Variants in OSBPL10 observed in about 807,000 individuals in gnomAD.
The protein encoded by OSBPL10 is oxysterol-binding protein-related protein 10.
A neutral mutation model predicts 81.7 loss-of-function variants in OSBPL10; 49 were observed. The ratio of observed to expected loss-of-function variants is 0.60; its 90% confidence interval spans 0.48 to 0.76. The LOEUF (loss-of-function observed/expected upper bound fraction) is 0.76, where lower values mean the gene tolerates loss of function less well. OSBPL10 is among the 30% of genes least tolerant of loss of function. The pLI is 0.00. For missense variants in OSBPL10, 923 were observed against 987.8 expected (o/e 0.93, Z 0.88); for synonymous variants, 419 against 383.6 (o/e 1.09, Z -1.08).
chr3:31,934,797 A>G (rs1381627234), intron 1 of OSBPL10, among the ~76,000 whole-genome samples: 2 of 152,218 alleles, frequency 1.3e-5, no homozygotes, highest in African/African-American at 4.8e-5. Flanking sequence ...CACGGTTAAC[A>G]TAAGCACAAT....
chr3:31,706,330 G>T (rs550012256), intron 6 of OSBPL10, among the ~76,000 whole-genome samples: 2 of 152,150 alleles, frequency 1.3e-5, no homozygotes, highest in South Asian at 2.1e-4. Context: ...TGCAAAAATT[G>T]TAAGTCTGGG....
At chr3:31,881,150 T>C (rs937461400) in intron 1 of OSBPL10, among the ~76,000 whole-genome samples, 1 of 152,152 alleles carries the variant, frequency 6.6e-6, no homozygotes, top group Non-Finnish European at 1.5e-5. Context: ...AAGTCTACAT[T>C]TGTGTGATTA....
chr3:32,057,492 G>A (rs1008910680), intron 1 of OSBPL10, among the ~76,000 whole-genome samples: 7 of 152,148 alleles, frequency 4.6e-5, no homozygotes, highest in Non-Finnish European at 7.4e-5. Context: ...TGGTTGGAGA[G>A]GCATCAGAAA....
intron 1 of OSBPL10, among the ~76,000 whole-genome samples, chr3:31,888,818 GGAAGCTGAGGCAGGAGAATCACTC>G (rs1159599017): frequency 4.6e-5 from 7 of 152,094 alleles, no homozygotes; most frequent in Admixed American, 6.6e-5. Flanking sequence ...CAGCTACTTG[GGAAGCTGAGGCAGGAGAATCACTC>G]GAACCTGAGA....
intron 3 of OSBPL10, among the ~76,000 whole-genome samples, chr3:31,837,693 T>A (rs373393085): frequency 1.3e-5 from 2 of 149,758 alleles, no homozygotes; most frequent in Non-Finnish European, 3.0e-5. Context: ...TTGCCAGATA[T>A]ATGATGAATT....
chr3:32,029,346 A>C (rs1258639026), intron 2 of OSBPL10, among the ~76,000 whole-genome samples: 1 of 152,112 alleles, frequency 6.6e-6, no homozygotes, highest in Non-Finnish European at 1.5e-5. Context: ...GTTTTAGGGT[A>C]CATGTGCACA....
chr3:31,893,627 T>A (rs1378878743), intron 1 of OSBPL10, among the ~76,000 whole-genome samples: 1 of 152,202 alleles, frequency 6.6e-6, no homozygotes, highest in African/African-American at 2.4e-5. Context: ...CTGGAAATAA[T>A]TTAAATGTTA....
chr3:32,035,774 A>T (rs1699512620), intron 2 of OSBPL10, among the ~76,000 whole-genome samples: 1 of 152,154 alleles, frequency 6.6e-6, no homozygotes, highest in African/African-American at 2.4e-5. Flanking sequence ...ATTTATAGAG[A>T]CAGATAATAG....
chr3:31,683,110 G>T (rs574928443), intron 8 of OSBPL10, among the ~76,000 whole-genome samples: 10 of 152,324 alleles, frequency 6.6e-5, no homozygotes, highest in East Asian at 5.8e-4. Flanking sequence ...ACAGCTATTT[G>T]CTAAAATAAG....
At chr3:32,008,443 G>A (rs958315896) in intron 2 of OSBPL10, among the ~76,000 whole-genome samples, 7 of 151,870 alleles carry the variant, frequency 4.6e-5, no homozygotes, top group African/African-American at 7.2e-5. Context: ...GTGAGCCACC[G>A]CGTCCAGCCT....
intron 5 of OSBPL10, among the ~76,000 whole-genome samples, chr3:31,745,068 C>T (rs558430780): frequency 5.3e-5 from 8 of 152,228 alleles, no homozygotes; most frequent in Middle Eastern, 3.4e-3. Flanking sequence ...ATTGAGCTTC[C>T]GCATTTGAGA....
At chr3:31,827,891 ATTC>A (rs1700139369) in intron 4 of OSBPL10, among the ~76,000 whole-genome samples, 1 of 152,208 alleles carries the variant, frequency 6.6e-6, no homozygotes, top group African/African-American at 2.4e-5. Context: ...AAAAATTTGA[ATTC>A]TTTTTAAATG....
chr3:31,831,933 C>T (rs1700252978), intron 3 of OSBPL10, among the ~76,000 whole-genome samples: 1 of 152,188 alleles, frequency 6.6e-6, no homozygotes, highest in Non-Finnish European at 1.5e-5. Context: ...TGTTAGTCAC[C>T]GCAGCACTAT....
chr3:32,035,367 G>T (rs1699506906), intron 2 of OSBPL10, among the ~76,000 whole-genome samples: 1 of 151,986 alleles, frequency 6.6e-6, no homozygotes, highest in South Asian at 2.1e-4. Flanking sequence ...TTCGAGACCA[G>T]CTTGGCCAAC....
At chr3:31,817,742 CG>C (rs1575564297) in intron 4 of OSBPL10, among the ~76,000 whole-genome samples, 1 of 152,216 alleles carries the variant, frequency 6.6e-6, no homozygotes, top group East Asian at 1.9e-4. Context: ...CAGCAGCACC[CG>C]GGGAGCTCCT....
chr3:31,723,070 G>C (rs563673711), intron 6 of OSBPL10, among the ~76,000 whole-genome samples: 2 of 152,068 alleles, frequency 1.3e-5, no homozygotes, highest in African/African-American at 4.8e-5. Context: ...CTTCTCCTTC[G>C]CATGGCTGTA....
At chr3:31,796,729 G>A (rs1699222655) in intron 4 of OSBPL10, among the ~76,000 whole-genome samples, 2 of 152,026 alleles carry the variant, frequency 1.3e-5, no homozygotes, top group African/African-American at 4.8e-5. Context: ...AAATGCCCTG[G>A]GTTTGACAAC....
chr3:31,909,753 G>A (rs907703470), intron 1 of OSBPL10, among the ~76,000 whole-genome samples: 7 of 152,020 alleles, frequency 4.6e-5, no homozygotes, highest in African/African-American at 1.7e-4. Flanking sequence ...CACATCCCAT[G>A]GGAAACACAT....
chr3:32,003,314 C>T (rs955787180), intron 2 of OSBPL10, among the ~76,000 whole-genome samples: 1 of 152,196 alleles, frequency 6.6e-6, no homozygotes, highest in African/African-American at 2.4e-5. Context: ...TATGCATATA[C>T]ACATGAAAGG....
Sources: gnomAD v4.1 joint callset for allele counts (sites outside exome capture counted in the v4.1 genomes callset) on GRCh38, gnomAD v4.1.1 for gene constraint, MANE v1.5 for transcripts, NCBI Gene and HGNC (gene_info 2026-07-23, HGNC 2026-07-21) for gene names.